TENM1: variants seen among roughly 807,000 people sequenced by gnomAD.
The protein encoded by TENM1 is teneurin-1.
A neutral mutation model predicts 174.8 loss-of-function variants in TENM1; 35 were observed. The ratio of observed to expected loss-of-function variants is 0.20; its 90% CI spans 0.15 to 0.27. The LOEUF (loss-of-function observed/expected upper bound fraction) is 0.27. Among genes scored for constraint, TENM1 ranks in the 10% least tolerant of loss-of-function variants. The pLI is 1.00. For synonymous variants in TENM1, 781 were observed against 798.7 expected (o/e 0.98, Z 0.37); for missense variants, 1,633 against 2,130.1 (o/e 0.77, Z 4.59).
intron 3 of TENM1, among the ~76,000 whole-genome samples, chrX:124,832,678 G>A (rs1393644947): frequency 2.7e-5 from 3 of 112,002 alleles, no homozygotes; most frequent in Non-Finnish European, 3.8e-5. Context: ...GGGCTCAAGC[G>A]ATCCTCCCAC....
chrX:124,394,847 A>G (rs2060316693), intron 27 of TENM1, among the ~76,000 whole-genome samples: 1 of 112,451 alleles, frequency 8.9e-6, no homozygotes, highest in Non-Finnish European at 1.9e-5. Context: ...CTTAAAATAT[A>G]CTTTTTAATG....
intron 23 of TENM1, among the ~76,000 whole-genome samples, chrX:124,440,462 A>T (rs901572192): frequency 8.9e-6 from 1 of 111,976 alleles, no homozygotes; most frequent in Admixed American, 9.5e-5. Context: ...TTATTTAATT[A>T]GCCTTCATAA....
intron 3 of TENM1, among the ~76,000 whole-genome samples, chrX:124,849,829 C>T (rs745831024): frequency 8.9e-6 from 1 of 112,253 alleles, no homozygotes; most frequent in African/African-American, 3.2e-5. Flanking sequence ...TGATGTCATA[C>T]TAACCAGTGG....
chrX:124,469,054 C>G (rs752964533), intron 22 of TENM1, among the ~76,000 whole-genome samples: 106 of 111,657 alleles, frequency 9.5e-4, no homozygotes, highest in Middle Eastern at 9.2e-3. Flanking sequence ...ATACACTCTT[C>G]TTCAGTCAAG....
the TENM1 span, among the ~76,000 whole-genome samples, chrX:125,159,394 G>C: frequency 2.7e-5 from 3 of 111,891 alleles, no homozygotes; most frequent in African/African-American, 9.8e-5. Flanking sequence ...TCCTGCTTTT[G>C]AGGTAAATGA....
chrX:124,463,136 G>C (rs999839139), intron 22 of TENM1, among the ~76,000 whole-genome samples: 6 of 111,947 alleles, frequency 5.4e-5, no homozygotes, highest in African/African-American at 1.9e-4. Context: ...TTGCGATCTT[G>C]TGATCTCTTC....
chrX:124,994,216 C>CTTTTTTTTTTT, the TENM1 span, among the ~76,000 whole-genome samples: 2 of 50,761 alleles, frequency 3.9e-5, no homozygotes, highest in Admixed American at 2.1e-4. Context: ...AATTGACTGA[C>CTTTTTTTTTTT]TTTTTTTTTT....
chrX:124,833,311 T>A (rs2056327959), intron 3 of TENM1, among the ~76,000 whole-genome samples: 1 of 112,201 alleles, frequency 8.9e-6, no homozygotes, highest in African/African-American at 3.2e-5. Context: ...CCCAGAAAGA[T>A]AATGAGTTGA....
At chrX:124,750,748 T>A (rs769358716) in intron 3 of TENM1, among the ~76,000 whole-genome samples, 1 of 111,798 alleles carries the variant, frequency 8.9e-6, no homozygotes, top group Non-Finnish European at 1.9e-5. Context: ...TTGGGTACCA[T>A]AGTATTGCAC....
At chrX:124,520,637 C>A (rs2047821415) in exon 18 of TENM1, 1 of 1,208,929 alleles carries the variant, frequency 8.3e-7, no homozygotes, top group African/African-American at 1.8e-5. Context: ...CCTTCCACAG[C>A]TACTGTGAGG....
At chrX:125,112,383 C>T in the TENM1 span, among the ~76,000 whole-genome samples, 1 of 109,338 alleles carries the variant, frequency 9.1e-6, no homozygotes, top group Non-Finnish European at 1.9e-5. Flanking sequence ...TTTTTATGGC[C>T]TTTATGCCAA....
At chrX:124,380,673 T>C (rs756584438) in exon 32 of TENM1, 1 of 1,211,673 alleles carries the variant, frequency 8.3e-7, no homozygotes, top group East Asian at 3.0e-5. Context: ...AGCTGCTGCT[T>C]TTCCCCTTCT....
chrX:125,180,980 C>G, the TENM1 span, among the ~76,000 whole-genome samples: 8 of 111,888 alleles, frequency 7.2e-5, no homozygotes, highest in Non-Finnish European at 1.9e-5. Context: ...ATTACCTCCT[C>G]CACGAAGCGT....
chrX:124,757,586 C>T (rs923133738), intron 3 of TENM1, among the ~76,000 whole-genome samples: 3 of 112,495 alleles, frequency 2.7e-5, no homozygotes, highest in Non-Finnish European at 5.6e-5. Flanking sequence ...TCTTCTGCGT[C>T]GCTCACGCTG....
chrX:124,968,506 C>T (rs1179011745), upstream of TENM1, among the ~76,000 whole-genome samples: 2 of 111,796 alleles, frequency 1.8e-5, no homozygotes, highest in African/African-American at 6.5e-5. Flanking sequence ...GAGAGAGAGA[C>T]TTTCCTATAG....
chrX:124,994,415 C>T, the TENM1 span, among the ~76,000 whole-genome samples: 1 of 109,260 alleles, frequency 9.2e-6, no homozygotes, highest in African/African-American at 3.3e-5. Flanking sequence ...AAGCCCTGCT[C>T]TAGAAGAGAT....
chrX:125,096,230 G>A, the TENM1 span, among the ~76,000 whole-genome samples: 4 of 111,957 alleles, frequency 3.6e-5, 1 homozygote, highest in Middle Eastern at 9.2e-3. Flanking sequence ...ATGTAAAAAC[G>A]AAGACCAATA....
intron 23 of TENM1, among the ~76,000 whole-genome samples, chrX:124,443,365 C>T (rs988476616): frequency 5.4e-5 from 6 of 110,907 alleles, no homozygotes; most frequent in Non-Finnish European, 1.1e-4. Context: ...GTTTTGTTTT[C>T]TCTGTTAAGG....
At chrX:124,817,978 A>G (rs968844239) in intron 3 of TENM1, among the ~76,000 whole-genome samples, 1 of 111,420 alleles carries the variant, frequency 9.0e-6, no homozygotes, top group Non-Finnish European at 1.9e-5. Context: ...AAAATCTTCA[A>G]TCAGCTATCC....
Sources: gnomAD v4.1 joint callset for allele counts (sites outside exome capture counted in the v4.1 genomes callset) on GRCh38, gnomAD v4.1.1 for gene constraint, MANE v1.5 for transcripts, NCBI Gene and HGNC (gene_info 2026-07-23, HGNC 2026-07-21) for gene names.